ARSB: variants seen among roughly 807,000 people sequenced by gnomAD.
ARSB encodes arylsulfatase B, also known as N-acetylgalactosamine-4-sulfatase.
A neutral mutation model predicts 50.9 loss-of-function variants in ARSB; 41 were observed. The ratio of observed to expected loss-of-function variants is 0.81; its 90% CI spans 0.63 to 1.04. The LOEUF is 1.04. Among genes scored for constraint, ARSB ranks in the 50% least tolerant of loss-of-function variants. The pLI is 0.00. For synonymous variants in ARSB, 269 were observed against 284.8 expected, an observed-to-expected ratio of 0.94 and a Z score of 0.56; for missense variants, 672 against 693.3, an observed-to-expected ratio of 0.97 and a Z score of 0.35.
At chr5:78,970,120 T>C (rs1736741874) in intron 1 of ARSB, among the ~76,000 whole-genome samples, 1 of 152,178 alleles carries the variant, frequency 6.6e-6, no homozygotes, top group African/African-American at 2.4e-5. Context: ...TTCTTAACTT[T>C]TGGTGTAATA....
chr5:78,815,298 C>A (rs578056223), intron 6 of ARSB, among the ~76,000 whole-genome samples: 1 of 150,982 alleles, frequency 6.6e-6, no homozygotes, highest in African/African-American at 2.4e-5. Context: ...CCCCAAGAAT[C>A]CTTTCCTTGG....
chr5:78,832,924 C>A (rs1744754942), intron 6 of ARSB, among the ~76,000 whole-genome samples: 1 of 152,188 alleles, frequency 6.6e-6, no homozygotes, highest in African/African-American at 2.4e-5. Context: ...GTTACATGAT[C>A]GGATATGTGT....
At chr5:78,814,213 A>T (rs1379227200) in intron 6 of ARSB, among the ~76,000 whole-genome samples, 1 of 150,912 alleles carries the variant, frequency 6.6e-6, no homozygotes, top group African/African-American at 2.5e-5. Flanking sequence ...TTAATCAAAG[A>T]CTCTGGCATC....
chr5:78,949,336 T>C (rs955655295), intron 4 of ARSB, among the ~76,000 whole-genome samples: 2 of 152,238 alleles, frequency 1.3e-5, no homozygotes, highest in Admixed American at 1.3e-4. Context: ...GGACTCAACA[T>C]TTATTGATTT....
chr5:78,873,513 T>TTTTTTTTTTA (rs1581076732), intron 5 of ARSB, among the ~76,000 whole-genome samples: 3 of 138,834 alleles, frequency 2.2e-5, no homozygotes, highest in African/African-American at 7.8e-5. Flanking sequence ...TTTTTTTTTT[T>TTTTTTTTTTA]GAGACGGAGT....
chr5:78,818,651 G>A (rs1467184307), intron 6 of ARSB, among the ~76,000 whole-genome samples: 4 of 113,564 alleles, frequency 3.5e-5, no homozygotes, highest in Admixed American at 1.4e-4. Context: ...TCGCTCTGTC[G>A]CCCAGGCTGG....
intron 5 of ARSB, among the ~76,000 whole-genome samples, chr5:78,860,720 A>G (rs55845878): frequency 0.13 from 19,307 of 152,240 alleles, 1,421 homozygotes; most frequent in Middle Eastern, 0.21. Flanking sequence ...GCAAGAGCAA[A>G]CACATTCAAA....
intron 4 of ARSB, among the ~76,000 whole-genome samples, chr5:78,908,413 G>GA (rs33970298): frequency 0.67 from 101,991 of 152,030 alleles, 34,617 homozygotes; most frequent in South Asian, 0.79. Context: ...AAGATTTTAA[G>GA]AAAAGGCTCA....
In ARSB at chr5:78,809,426, A is replaced by G. The variant is rs553092671; in HGVS notation, c.1214-27452T>C. Among the ~76,000 whole-genome samples the G allele has an allele frequency of 5.1e-4, 77 of 152,388 alleles. No individual in the cohort carries two copies. In the South Asian group the frequency reaches 7.9e-3, roughly 16 times the overall value. ...TGTCTTGTGACAGAGCTTTCGGCAC[A>G]TAACACAGTGCCTCTCTTCTCTGTC... On this transcript the variant is annotated intron_variant, in intron 6 of 7. Coordinates refer to ENST00000264914, the MANE Select transcript of ARSB (RefSeq NM_000046.5).
intron 3 of ARSB, among the ~76,000 whole-genome samples, chr5:78,963,523 A>C (rs1448218230): frequency 6.6e-6 from 1 of 152,174 alleles, no homozygotes; most frequent in Non-Finnish European, 1.5e-5. Context: ...GGGTGTTCTT[A>C]ATGAAGCCAT....
At chr5:78,966,104 C>T (rs1752193803) in intron 2 of ARSB, among the ~76,000 whole-genome samples, 1 of 152,210 alleles carries the variant, frequency 6.6e-6, no homozygotes, top group South Asian at 2.1e-4. Flanking sequence ...GGTTCTTTAA[C>T]TGTTAAGTGT....
intron 5 of ARSB, among the ~76,000 whole-genome samples, chr5:78,849,336 T>A (rs1312479806): frequency 1.3e-5 from 2 of 152,208 alleles, no homozygotes; most frequent in Non-Finnish European, 2.9e-5. Context: ...CTTTCCCCAT[T>A]GCTTGTTTTT....
chr5:78,783,444 G>A (rs532494655), intron 6 of ARSB: 9 of 152,154 alleles, frequency 5.9e-5, no homozygotes, highest in African/African-American at 2.2e-4. Context: ...AGACAGATCC[G>A]GCAAACACTG....
At chr5:78,905,658 T>G (rs576394193) in intron 4 of ARSB, among the ~76,000 whole-genome samples, 2 of 152,196 alleles carry the variant, frequency 1.3e-5, no homozygotes, top group East Asian at 3.9e-4. Context: ...AGCCTCTGCT[T>G]TGCTCCTTTG....
intron 6 of ARSB, among the ~76,000 whole-genome samples, chr5:78,788,090 C>T (rs1157791776): frequency 1.3e-5 from 2 of 152,158 alleles, no homozygotes; most frequent in Non-Finnish European, 2.9e-5. Context: ...AATATTCCAT[C>T]TATTAGCTTG....
At chr5:78,785,203 T>C (rs1749045109) in intron 6 of ARSB, among the ~76,000 whole-genome samples, 1 of 152,076 alleles carries the variant, frequency 6.6e-6, no homozygotes, top group African/African-American at 2.4e-5. Context: ...ATTATTTCCC[T>C]CCTTTTATTT....
At chr5:78,931,707 G>C (rs1349611696) in intron 4 of ARSB, among the ~76,000 whole-genome samples, 1 of 151,654 alleles carries the variant, frequency 6.6e-6, no homozygotes, top group Non-Finnish European at 1.5e-5. Flanking sequence ...ATTATTCTTT[G>C]GCAAATATAG....
intron 4 of ARSB, among the ~76,000 whole-genome samples, chr5:78,923,993 T>C (rs768323595): frequency 6.6e-6 from 1 of 152,170 alleles, no homozygotes; most frequent in Non-Finnish European, 1.5e-5. Flanking sequence ...CCACATAGCA[T>C]GGCTGAATAT....
chr5:78,816,398 C>G (rs1561437590), intron 6 of ARSB, among the ~76,000 whole-genome samples: 1 of 152,208 alleles, frequency 6.6e-6, no homozygotes, highest in Non-Finnish European at 1.5e-5. Flanking sequence ...TATTTCCCTT[C>G]TGTGTGTCAC....
Sources: allele counts gnomAD v4.1 joint callset (sites outside exome capture counted in the v4.1 genomes callset), GRCh38; gene constraint gnomAD v4.1.1; transcripts MANE v1.5; gene names NCBI Gene and HGNC (gene_info 2026-07-23, HGNC 2026-07-21).